The following USP30 variants were observed in gnomAD, a reference collection of about 807,000 sequenced individuals.
USP30 encodes ubiquitin specific peptidase 30.
A neutral mutation model predicts 68.2 loss-of-function variants in USP30; 41 were observed. The ratio of observed to expected loss-of-function variants is 0.60; its 90% CI spans 0.47 to 0.78. USP30 has a LOEUF of 0.78. Ranked by LOEUF, USP30 falls within the 30% of genes least tolerant of loss-of-function variation. The pLI, the probability that USP30 is intolerant of heterozygous loss-of-function variation, is 0.00. For missense variants in USP30, 522 were observed against 649.4 expected, an observed-to-expected ratio of 0.80 and a Z score of 2.13; for synonymous variants, 229 against 253.7, an observed-to-expected ratio of 0.90 and a Z score of 0.93.
At chr12:109,033,833 A>G (rs556782954) in intron 3 of USP30, among the ~76,000 whole-genome samples, 1 of 152,274 alleles carries the variant, frequency 6.6e-6, no homozygotes, top group Non-Finnish European at 1.5e-5. Flanking sequence ...GTAAAGGTGC[A>G]CAACTTTAAG....
intron 3 of USP30, among the ~76,000 whole-genome samples, chr12:109,034,739 T>C (rs2040507056): frequency 6.6e-6 from 1 of 152,360 alleles, no homozygotes; most frequent in East Asian, 1.9e-4. Context: ...CAACCATTAC[T>C]GTTAAATTGT....
intron 3 of USP30, among the ~76,000 whole-genome samples, chr12:109,045,683 T>C (rs1315139545): frequency 2.0e-5 from 3 of 152,164 alleles, no homozygotes; most frequent in African/African-American, 7.2e-5. Flanking sequence ...GGGCAGTGCA[T>C]GTAGGTACCT....
At chr12:109,059,299 A>G (rs2040981850) in intron 3 of USP30, among the ~76,000 whole-genome samples, 1 of 151,920 alleles carries the variant, frequency 6.6e-6, no homozygotes, top group African/African-American at 2.4e-5. Context: ...GGTTCAAGTG[A>G]TTCTTGTGCC....
intron 3 of USP30, among the ~76,000 whole-genome samples, chr12:109,047,282 A>C (rs915755513): frequency 1.3e-5 from 2 of 152,086 alleles, no homozygotes; most frequent in Non-Finnish European, 2.9e-5. Context: ...TCAACCCACA[A>C]ACTTGTCTGG....
At chr12:109,084,304 A>C (rs1422749136) in intron 11 of USP30, among the ~76,000 whole-genome samples, 3 of 152,196 alleles carry the variant, frequency 2.0e-5, no homozygotes, top group Admixed American at 2.0e-4. Flanking sequence ...AAAGGAAAAG[A>C]CATGTAAATA....
rs78884214 is a variant in USP30 at position 109,055,784 on chromosome 12, T to C, written c.84-898T>C. On this transcript the variant is annotated intron_variant, in intron 1 of 12. Coordinates refer to ENST00000257548, the MANE Select transcript of USP30 (RefSeq NM_032663.5). Reference sequence around the variant, plus strand: ...GTGGGTAAAACAAAGCACATGCCAGTTGAGGGAGACAGACAACAAACCCAG... The same window carrying C: ...GTGGGTAAAACAAAGCACATGCCAGCTGAGGGAGACAGACAACAAACCCAG... Among the ~76,000 whole-genome samples, 41 of 146,822 alleles carry C rather than the reference T, an allele frequency of 2.8e-4. No individual in the cohort carries two copies. In the East Asian group the frequency reaches 7.0e-3, roughly 25 times the overall value.
rs571609039 is a variant in USP30 at position 109,057,050 on chromosome 12, C to CT, written c.193+260dup. The stretch of plus-strand genomic sequence containing the variant: ...GAAAAATGTCAAGCGGCATAATTGT[C>CT]TAAGAAGTGTTCTCATTAGTACGGC... On this transcript the variant is annotated intron_variant, in intron 2 of 12. Coordinates refer to ENST00000257548, the MANE Select transcript of USP30 (RefSeq NM_032663.5). Among the ~76,000 whole-genome samples, 521 of 152,316 alleles carry CT rather than the reference C, an allele frequency of 3.4e-3. 3 individuals carry two copies. Among genetic ancestry groups the CT allele is most frequent in the African/African-American group, 0.012 (494 of 41,580 alleles).
At position 109,032,192 on chromosome 12, in the gene USP30, T is replaced by G. The variant is rs1247426882; in HGVS notation, c.-136+4636T>G. Among the ~76,000 whole-genome samples, 8 of 151,530 alleles carry G rather than the reference T, an allele frequency of 5.3e-5. No individual in the cohort carries two copies. The South Asian group carries it at 1.7e-3, about 32-fold the overall frequency. On this transcript the variant is annotated intron_variant, in intron 3 of 15. Transcript: ENST00000392784. ...GGTGGCTTGTGTCTGTAACCCCAGC[T>G]ACTTGGGAGGCTGAGTCAGGAGGGT...
chr12:109,025,304 TTA>T (rs2040436934), intron 2 of USP30, among the ~76,000 whole-genome samples: 1 of 152,094 alleles, frequency 6.6e-6, no homozygotes, highest in Non-Finnish European at 1.5e-5. Flanking sequence ...CCTTCATGTA[TTA>T]TATGAGAGAT....
chr12:109,041,527 C>G (rs991616063), intron 3 of USP30, among the ~76,000 whole-genome samples: 1 of 151,820 alleles, frequency 6.6e-6, no homozygotes, highest in African/African-American at 2.4e-5. Flanking sequence ...CCCACCTATT[C>G]CAGAGGCTGA....
intron 7 of USP30, among the ~76,000 whole-genome samples, chr12:109,080,038 C>T (rs1333094352): frequency 6.6e-6 from 1 of 152,226 alleles, no homozygotes; most frequent in Non-Finnish European, 1.5e-5. Context: ...GTCTCCCCTA[C>T]ATTGGGCAGC....
chr12:109,070,021 C>T lies in USP30; in HGVS notation c.481-1591C>T, dbSNP rs1049887080. On this transcript the variant is annotated intron_variant, in intron 4 of 12. Coordinates refer to ENST00000257548, the MANE Select transcript of USP30 (RefSeq NM_032663.5). This position sits in a 1 kb window ranked among gnomAD's most constrained non-coding sequence, Gnocchi z 4.0. ...AGGGGCTGGCGAAGTTGGCAGGGAG[C>T]AGATTGTGCAGGGACTAGGAGGCTG... Among the ~76,000 whole-genome samples the T allele has an allele frequency of 2.0e-5, 3 of 151,926 alleles. No individual in the cohort carries two copies. Among genetic ancestry groups the T allele is most frequent in the African/African-American group, 7.3e-5 (3 of 41,336 alleles).
intron 3 of USP30, among the ~76,000 whole-genome samples, chr12:109,063,145 G>C (rs1291927283): frequency 2.0e-5 from 3 of 151,940 alleles, no homozygotes; most frequent in African/African-American, 7.3e-5. Flanking sequence ...TGTCACCCAG[G>C]CTGGAGCGCA....
chr12:109,062,900 C>T (rs1161104953), intron 3 of USP30, among the ~76,000 whole-genome samples: 1 of 152,076 alleles, frequency 6.6e-6, no homozygotes, highest in South Asian at 2.1e-4. Flanking sequence ...GTAACCACTG[C>T]CCTACTTTCT....
intron 7 of USP30, among the ~76,000 whole-genome samples, chr12:109,077,825 TG>T (rs374830297): frequency 2.0e-5 from 3 of 151,004 alleles, no homozygotes; most frequent in South Asian, 2.1e-4. Flanking sequence ...GTGTTTGTGT[TG>T]GGGGGGGAGG....
At chr12:109,047,169 AT>A (rs11351379) in intron 3 of USP30, among the ~76,000 whole-genome samples, 120,637 of 150,560 alleles carry the variant, frequency 0.8, 48,449 homozygotes, top group East Asian at 1. Flanking sequence ...AGGTGGATGC[AT>A]TTTTTTTTTT....
Position 109,085,007 on chromosome 12 carries a change from C to T in USP30, c.1223C>T (p.Ser408Phe). ...KTQIFMNGAC[S>F]PSLLPTLSAP... The stretch of plus-strand genomic sequence containing the variant: ...CAGATTTTTATGAATGGCGCCTGCT[C>T]CCCATCTTTATTGCCAACGCTGTCA... The change falls in exon 12 of 13, where the codon TCC becomes TTC. Residue 408 changes from serine to phenylalanine, a missense_variant. Transcript: ENST00000257548. 6.2e-7 allele frequency: 1 copy of T among 1,607,062 alleles called. No homozygotes were observed. Among genetic ancestry groups the T allele is most frequent in the Non-Finnish European group, 8.5e-7 (1 of 1,175,902 alleles).
chr12:109,048,694 C>T (rs573041481), upstream of USP30, among the ~76,000 whole-genome samples: 22 of 149,876 alleles, frequency 1.5e-4, 1 homozygote, highest in South Asian at 4.7e-3. Context: ...GAGCCAAGAT[C>T]GCCCTACTGC....
intron 3 of USP30, among the ~76,000 whole-genome samples, chr12:109,028,516 C>T (rs1229224150): frequency 2.6e-5 from 4 of 151,758 alleles, no homozygotes; most frequent in Non-Finnish European, 5.9e-5. Flanking sequence ...TCCCTCTTGT[C>T]GCCCAGACTG....
Sources: gnomAD v4.1 joint callset for allele counts (sites outside exome capture counted in the v4.1 genomes callset) on GRCh38, gnomAD v4.1.1 for gene constraint, Gnocchi (gnomAD v3.1) non-coding constraint, MANE v1.5 for transcripts, NCBI Gene and HGNC (gene_info 2026-07-23, HGNC 2026-07-21) for gene names.